SLC22A6: variants seen among roughly 807,000 people sequenced by gnomAD.
SLC22A6 encodes the protein solute carrier family 22 member 6.
Under a neutral mutation model 56.7 loss-of-function variants are expected in SLC22A6, and 45 were observed. The ratio of observed to expected loss-of-function variants is 0.79; its 90% CI spans 0.63 to 1.02. SLC22A6 has a LOEUF of 1.02. Ranked by LOEUF, SLC22A6 falls within the 50% of genes least tolerant of loss-of-function variation. The probability of loss-of-function intolerance (pLI) is 0.00; values close to 1 mark genes in which losing one functional copy is unlikely to be tolerated. For missense variants in SLC22A6, 606 were observed against 713.8 expected (o/e 0.85, Z 1.72); for synonymous variants, 291 against 295.9 (o/e 0.98, Z 0.17).
rs1369192580 is a variant in SLC22A6, at chr11:62,984,655, A to G, written c.36T>C (p.Gly12=). The G allele has an allele frequency of 2.7e-5, 44 of 1,612,960 alleles. No homozygotes were observed. Among genetic ancestry groups the G allele is most frequent in the Non-Finnish European group, 3.6e-5 (42 of 1,179,804 alleles). The change falls in exon 1 of 10, where the codon GGT becomes GGC. Residue 12 remains glycine (G), a synonymous_variant. Transcript: ENST00000360421. ...CCTGGATCTGCTGGAAGCGGCCGACACCCCCCACCTGCTGCAGGAGGTCAT... is the reference window on the plus strand; with the variant it reads ...CCTGGATCTGCTGGAAGCGGCCGACGCCCCCCACCTGCTGCAGGAGGTCAT... The part of the protein sequence containing the change: ...AFNDLLQQVG[G]VGRFQQIQVT...
intron 8 of SLC22A6, among the ~76,000 whole-genome samples, chr11:62,978,193 G>A (rs899294225): frequency 1.1e-4 from 16 of 152,258 alleles, no homozygotes; most frequent in Admixed American, 7.8e-4. Flanking sequence ...TCTGGTAAGG[G>A]CACAGGACCA....
At chr11:62,980,179 G>C (rs1277199419) in intron 6 of SLC22A6, among the ~76,000 whole-genome samples, 2 of 152,146 alleles carry the variant, frequency 1.3e-5, no homozygotes, top group African/African-American at 4.8e-5. Flanking sequence ...GCAGTTAATT[G>C]GGGGAATTTT....
At chr11:62,977,096 AGG>A in intron 9 of SLC22A6, 86 bp downstream of exon 9, 1 of 1,606,442 alleles carries the variant, frequency 6.2e-7, no homozygotes, top group South Asian at 1.1e-5. Context: ...GGGCTAGAAG[AGG>A]AAGCCTGGGC....
Position 62,983,680 on chromosome 11 carries a change from C to A in SLC22A6, c.485G>T (p.Arg162Leu). 1 of 1,610,630 alleles carries A rather than the reference C, an allele frequency of 6.2e-7. No individual in the cohort carries two copies. Among genetic ancestry groups the A allele is most frequent in the Non-Finnish European group, 8.5e-7 (1 of 1,178,606 alleles). The change falls in exon 3 of 10, where the codon CGG becomes CTG. Residue 162 changes from arginine (R) to leucine (L), a missense_variant. Transcript: ENST00000360421. The surrounding 1 kb of genome is among the most constrained non-coding windows in gnomAD (Gnocchi z 4.5). ...FGYLADRLGR[R>L]KVLILNYLQT... ...CAGGTAGTTCAAGATGAGTACCTTC[C>A]GGCGGCCTAGCCTGTGGGAGGAGGG...
chr11:62,984,320 A>G lies in SLC22A6; in HGVS notation c.369+2T>C. The G allele has an allele frequency of 1.2e-6, 2 of 1,610,776 alleles. No homozygotes were observed. Among genetic ancestry groups the G allele is most frequent in the Non-Finnish European group, 1.7e-6 (2 of 1,179,512 alleles). ...CCTGGATGGGGAGCCCCAGGTGCTC[A>G]CCTCAGTCACGATGGTAGATGGGAA... is the stretch of plus-strand genomic sequence containing the variant. On this transcript the variant is annotated splice_donor_variant, in intron 1 of 9. Coordinates refer to ENST00000360421, the MANE Select transcript of SLC22A6 (RefSeq NM_153276.3). LOFTEE classifies it high-confidence loss of function.
chr11:62,983,737 G>A lies in SLC22A6; in HGVS notation c.474-46C>T, dbSNP rs1399348108. Reference sequence around the variant, plus strand: ...TGTAGCAGGGCCCTGGAGACTGATGGGGGTCAGGCTGAGCCAGGAGAGGAG... The same window carrying A: ...TGTAGCAGGGCCCTGGAGACTGATGAGGGTCAGGCTGAGCCAGGAGAGGAG... On this transcript the variant is annotated intron_variant, in intron 2 of 9. Coordinates refer to ENST00000360421, the MANE Select transcript of SLC22A6 (RefSeq NM_153276.3). This position sits in a 1 kb window ranked among gnomAD's most constrained non-coding sequence, Gnocchi z 4.5. The A allele has an allele frequency of 6.4e-7, 1 of 1,564,094 alleles. No homozygotes were observed. Among genetic ancestry groups the A allele is most frequent in the Non-Finnish European group, 8.7e-7 (1 of 1,154,420 alleles).
chr11:62,979,342 G>A (rs2086225236), intron 8 of SLC22A6, 146 bp downstream of exon 8: 1 of 649,544 alleles, frequency 1.5e-6, no homozygotes, highest in Admixed American at 2.3e-5. Flanking sequence ...TGTACTCAGT[G>A]GCTACTATGT....
Position 62,983,873 on chromosome 11 carries a change from T to C in SLC22A6, c.473+71A>G, listed in dbSNP as rs1371193082. On this transcript the variant is annotated intron_variant, in intron 2 of 9. Transcript: ENST00000360421. This position sits in a 1 kb window ranked among gnomAD's most constrained non-coding sequence, Gnocchi z 4.5. ...CGGCTGGCAATGCCAAGCTCCCACC[T>C]AGACACCCTGAGCCCAGCTGAGCCC... is the stretch of plus-strand genomic sequence containing the variant. 3.1e-6 allele frequency: 4 copies of C among 1,281,738 alleles called. No individual in the cohort carries two copies. Among genetic ancestry groups the C allele is most frequent in the Non-Finnish European group, 4.4e-6 (4 of 910,784 alleles). The allele number at this position is 1,281,738 out of a possible 1,614,324, so 79.4% of individuals were successfully genotyped here. A position where few individuals can be genotyped will look rare whatever the true frequency, so the allele number is the denominator to read the frequency against.
At chr11:62,979,637 G>A in intron 7 of SLC22A6, 41 bp from the exon 8 acceptor site, 2 of 1,592,908 alleles carry the variant, frequency 1.3e-6, no homozygotes, top group South Asian at 1.1e-5. Context: ...CTTGGGAGTG[G>A]AGGCTAGGAG....
chr11:62,981,351 G>T lies in SLC22A6; in HGVS notation c.830C>A (p.Ser277Tyr). 1 of 1,593,298 alleles carries T rather than the reference G, an allele frequency of 6.3e-7. No homozygotes were observed. Among genetic ancestry groups the T allele is most frequent in the East Asian group, 2.3e-5 (1 of 44,204 alleles). ...FFIESARWHSSSGRLDLTLRA... is the reference protein window; with the variant it reads ...FFIESARWHSYSGRLDLTLRA... ...CAGGGTGAGGTCCAGCCTCCCGGAGGAGGAGTGCCAGCGGGCCGACTCAAT... is the reference window on the plus strand; with the variant it reads ...CAGGGTGAGGTCCAGCCTCCCGGAGTAGGAGTGCCAGCGGGCCGACTCAAT... Residue 277 changes from serine to tyrosine, a missense_variant, in exon 5 of 10, where the codon TCC (serine) becomes TAC (tyrosine). Coordinates refer to ENST00000360421, the MANE Select transcript of SLC22A6 (RefSeq NM_153276.3).
In SLC22A6 at chr11:62,984,463, C is replaced by T. The variant is rs753018921; in HGVS notation, c.228G>A (p.Glu76=). 1 of 1,613,832 alleles carries T rather than the reference C, an allele frequency of 6.2e-7. No individual in the cohort carries two copies. The highest frequency in any genetic ancestry group is 2.2e-5 in the East Asian group (1 of 44,870). ...GCGGGGAGGTGAAGCGGAGGCAGGA[C>T]TCAGGCTGCCCCTGCCTGTCCCGGG... ...WLPRDRQGQP[E]SCLRFTSPQW... is the part of the protein sequence containing the mutation. Residue 76 remains glutamate (E), a synonymous_variant, in exon 1 of 10, where the codon GAG becomes GAA. Coordinates refer to ENST00000360421, the MANE Select transcript of SLC22A6 (RefSeq NM_153276.3).
Position 62,976,737 on chromosome 11 carries a change from C to G in SLC22A6, c.*57G>C, listed in dbSNP as rs181212822. ...TCTTCCTCCTCCTTGTGTGGGTGGCCGGAGACCTGTAGGACCTTCCCTCCC... is the reference window on the plus strand; with the variant it reads ...TCTTCCTCCTCCTTGTGTGGGTGGCGGGAGACCTGTAGGACCTTCCCTCCC... On this transcript the variant is annotated 3_prime_UTR_variant, in exon 10 of 10. Coordinates refer to ENST00000360421, the MANE Select transcript of SLC22A6 (RefSeq NM_153276.3). 4.2e-6 allele frequency: 6 copies of G among 1,439,556 alleles called. No individual in the cohort carries two copies. Among genetic ancestry groups the G allele is most frequent in the Non-Finnish European group, 5.7e-6 (6 of 1,045,358 alleles). 89.2% of individuals were successfully genotyped at this position (1,439,556 alleles called of 1,614,324 possible). A position where few individuals can be genotyped will look rare whatever the true frequency, so the allele number is the denominator to read the frequency against.
chr11:62,984,793 G>C lies in SLC22A6; in HGVS notation c.-103C>G, dbSNP rs1057307094. On this transcript the variant is annotated 5_prime_UTR_variant, in exon 1 of 10. Transcript: ENST00000360421. ...CCTTCGCTGGAGGAGCAGCACTGCC[G>C]TTGCCTCCGCAGCTGGGTTGCTCCG... 7.5e-7 allele frequency: 1 copy of C among 1,327,228 alleles called. No homozygotes were observed. The highest frequency in any genetic ancestry group is 1.5e-5 in the African/African-American group (1 of 67,812). The allele number at this position is 1,327,228 out of a possible 1,614,324, so 82.2% of individuals were successfully genotyped here.
Position 62,981,385 on chromosome 11 carries a change from TGGGAGC to T in SLC22A6, c.798-8_798-3del. Reference sequence around the variant, plus strand: ...CAGCGGGCCGACTCAATGAAGAACCTGGGAGCGGGGGTGGGGGTGGGTGTCAGCATG... The same window carrying T: ...CAGCGGGCCGACTCAATGAAGAACCTGGGGGTGGGGGTGGGTGTCAGCATG... On this transcript the variant is annotated splice_polypyrimidine_tract_variant and splice_region_variant and intron_variant, in intron 4 of 9. Transcript: ENST00000360421. 5.0e-6 allele frequency: 3 copies of T among 595,092 alleles called. No individual in the cohort carries two copies. Among genetic ancestry groups the T allele is most frequent in the Non-Finnish European group, 6.5e-6 (3 of 459,354 alleles). The allele number at this position is 595,092 out of a possible 1,614,324, so 36.9% of individuals were successfully genotyped here.
chr11:62,978,549 T>C lies in SLC22A6; in HGVS notation c.1361+939A>G, dbSNP rs372097001. Among the ~76,000 whole-genome samples the C allele has an allele frequency of 1.9e-4, 29 of 150,214 alleles. No individual in the cohort carries two copies. In the East Asian group the frequency reaches 4.1e-3, roughly 21 times the overall value. ...TTTTAGTACAGACGGAGTTTCACCA[T>C]GTTGGTTAGCCAGGATGGTCTTGCA... On this transcript the variant is annotated intron_variant, in intron 8 of 9. Coordinates refer to ENST00000360421, the MANE Select transcript of SLC22A6 (RefSeq NM_153276.3).
In SLC22A6 at chr11:62,981,284, T is replaced by G; in HGVS notation, c.897A>C (p.Glu299Asp). 6 of 1,609,100 alleles carry G rather than the reference T, an allele frequency of 3.7e-6. No individual in the cohort carries two copies. The highest frequency in any genetic ancestry group is 5.1e-6 in the Non-Finnish European group (6 of 1,177,988). ...CCTCCATACTCAATTTGGCTCCTTC[T>G]TCCCGCTTCCCATTGATCCGGGCGA... is the stretch of plus-strand genomic sequence containing the variant. ...QRVARINGKR[E>D]EGAKLSMEVL... The change falls in exon 5 of 10, where the codon GAA becomes GAC. Residue 299 changes from glutamate to aspartate, a missense_variant. Transcript: ENST00000360421.
intron 1 of SLC22A6, 129 bp downstream of exon 1, chr11:62,984,193 G>A: frequency 7.7e-7 from 1 of 1,301,442 alleles, no homozygotes; most frequent in South Asian, 1.5e-5. Context: ...ACAGCTGAGA[G>A]CATTTTTCTT....
Position 62,983,943 on chromosome 11 carries a change from C to A in SLC22A6, c.473+1G>T, listed in dbSNP as rs780559441. The A allele has an allele frequency of 6.2e-7, 1 of 1,608,500 alleles. No individual in the cohort carries two copies. The highest frequency in any genetic ancestry group is 8.5e-7 in the Non-Finnish European group (1 of 1,175,454). On this transcript the variant is annotated splice_donor_variant, in intron 2 of 9. Coordinates refer to ENST00000360421, the MANE Select transcript of SLC22A6 (RefSeq NM_153276.3). LOFTEE classifies it high-confidence loss of function. This position sits in a 1 kb window ranked among gnomAD's most constrained non-coding sequence, Gnocchi z 4.5. ...GCCCCTTGACCCTACCCAGGACTGA[C>A]CTGTCTGCAAGGTAGCCGAACACCA...
Position 62,984,676 on chromosome 11 carries a change from G to A in SLC22A6, c.15C>T (p.Asp5=). The A allele has an allele frequency of 6.2e-7, 1 of 1,613,116 alleles. No homozygotes were observed. ...CGACACCCCCCACCTGCTGCAGGAG[G>A]TCATTAAAGGCCATTGGGCCAGGCC... MAFN[D]LLQQVGGVGR... The change falls in exon 1 of 10, where the codon GAC becomes GAT. Residue 5 remains aspartate (D), a synonymous_variant. Coordinates refer to ENST00000360421, the MANE Select transcript of SLC22A6 (RefSeq NM_153276.3).
Sources: gnomAD v4.1 joint callset for allele counts (sites outside exome capture counted in the v4.1 genomes callset) on GRCh38, gnomAD v4.1.1 for gene constraint, Gnocchi (gnomAD v3.1) non-coding constraint, MANE v1.5 for transcripts, NCBI Gene and HGNC (gene_info 2026-07-23, HGNC 2026-07-21) for gene names.